The following SLC35A3 variants were observed in gnomAD, a reference collection of about 807,000 sequenced individuals.
The protein encoded by SLC35A3 is solute carrier family 35 member A3.
A neutral mutation model predicts 39.0 loss-of-function variants in SLC35A3; 26 were observed. The observed-to-expected ratio is 0.67, with a 90% CI of 0.49 to 0.92. The LOEUF is 0.92. SLC35A3 is among the 40% of genes least tolerant of loss of function. SLC35A3 has a pLI of 0.00. For missense variants in SLC35A3, 299 were observed against 371.6 expected (o/e 0.80, Z 1.61); for synonymous variants, 135 against 133.1 (o/e 1.01, Z -0.10).
intron 1 of SLC35A3, chr1:99,970,535 C>G (rs1358079261): frequency 5.2e-6 from 8 of 1,535,154 alleles, no homozygotes; most frequent in Non-Finnish European, 7.0e-6. Flanking sequence ...AGTGAACATC[C>G]CATGAGCTCT....
At chr1:100,014,502 G>A (rs1032814683) in intron 5 of SLC35A3, among the ~76,000 whole-genome samples, 12 of 152,254 alleles carry the variant, frequency 7.9e-5, no homozygotes, top group South Asian at 4.1e-4. Flanking sequence ...GATTTCAGGC[G>A]TGAGCCACTG....
Position 100,026,478 on chromosome 1 carries a change from T to C in SLC35A3, c.*4002T>C, listed in dbSNP as rs1660917325. ...AGGGTGTTCCTGTAATTCACAACTG[T>C]AGACACATGGGCAAAATTAGGATTT... On this transcript the variant is annotated 3_prime_UTR_variant, in exon 8 of 8. Coordinates refer to ENST00000533028, the MANE Select transcript of SLC35A3 (RefSeq NM_012243.3). The C allele has an allele frequency of 1.3e-5, 2 of 152,188 alleles. No homozygotes were observed. Among genetic ancestry groups the C allele is most frequent in the African/African-American group, 2.4e-5 (1 of 41,456 alleles). The allele number at this position is 152,188 out of a possible 1,614,324, so 9.4% of individuals were successfully genotyped here. A position where few individuals can be genotyped will look rare whatever the true frequency, so the allele number is the denominator to read the frequency against.
intron 1 of SLC35A3, among the ~76,000 whole-genome samples, chr1:99,984,911 A>G (rs1657662626): frequency 6.6e-6 from 1 of 152,028 alleles, no homozygotes; most frequent in Non-Finnish European, 1.5e-5. Context: ...TCATGTCCTT[A>G]GCCCAATTTT....
intron 1 of SLC35A3, chr1:99,970,424 G>C: frequency 2.9e-6 from 2 of 683,682 alleles, no homozygotes; most frequent in East Asian, 2.7e-5. Flanking sequence ...GGCCCGAGGA[G>C]AGGGGTGTGT....
At position 100,023,498 on chromosome 1, in the gene SLC35A3, C is replaced by T. The variant is rs1485853930; in HGVS notation, c.*1022C>T. 1 of 152,196 alleles carries T rather than the reference C, an allele frequency of 6.6e-6. No homozygotes were observed. Among genetic ancestry groups the T allele is most frequent in the Non-Finnish European group, 1.5e-5 (1 of 68,038 alleles). 9.4% of individuals were successfully genotyped at this position (152,196 alleles called of 1,614,324 possible). A position where few individuals can be genotyped will look rare whatever the true frequency, so the allele number is the denominator to read the frequency against. ...AATCTACAACTGTTTACAAAAACAACATTCAAACAAATAGTACAGATGTCA... is the reference window on the plus strand; with the variant it reads ...AATCTACAACTGTTTACAAAAACAATATTCAAACAAATAGTACAGATGTCA... On this transcript the variant is annotated 3_prime_UTR_variant, in exon 8 of 8. Transcript: ENST00000533028.
chr1:99,992,228 A>G (rs1052836791), intron 1 of SLC35A3, among the ~76,000 whole-genome samples: 1 of 152,044 alleles, frequency 6.6e-6, no homozygotes, highest in Admixed American at 6.6e-5. Flanking sequence ...TTTTTGCTTT[A>G]TGTATTTTGA....
intron 7 of SLC35A3, among the ~76,000 whole-genome samples, chr1:100,021,330 C>T (rs530952326): frequency 2.6e-5 from 4 of 152,046 alleles, no homozygotes; most frequent in Non-Finnish European, 5.9e-5. Flanking sequence ...CACCACTGCA[C>T]TCCAGCCTGG....
chr1:100,031,266 T>A lies in SLC35A3; in HGVS notation c.*8790T>A, dbSNP rs894343333. On this transcript the variant is annotated 3_prime_UTR_variant, in exon 8 of 8. Transcript: ENST00000533028. ...TTCTCCAGCTTTTCATTTTGCAGCA[T>A]ACAAAAAAATTGAAAAATTGGTATA... 1.3e-5 allele frequency: 2 copies of A among 152,152 alleles called. No homozygotes were observed. The highest frequency in any genetic ancestry group is 2.9e-5 in the Non-Finnish European group (2 of 68,022). 9.4% of individuals were successfully genotyped at this position (152,152 alleles called of 1,614,324 possible).
At chr1:99,970,290 T>C in intron 1 of SLC35A3, 128 bp downstream of exon 1, 1 of 421,382 alleles carries the variant, frequency 2.4e-6, no homozygotes, top group South Asian at 3.6e-5. Context: ...TCTGTAGGGG[T>C]GAAGGGGACG....
At position 100,023,254 on chromosome 1, in the gene SLC35A3, A is replaced by C. The variant is rs1260283828; in HGVS notation, c.*778A>C. On this transcript the variant is annotated 3_prime_UTR_variant, in exon 8 of 8. Coordinates refer to ENST00000533028, the MANE Select transcript of SLC35A3 (RefSeq NM_012243.3). ...TCATTGCATTTCATTTCTGTAAATC[A>C]GATTAAGTCCTTAATATTATTTTAA... 6.6e-6 allele frequency: 1 copy of C among 152,196 alleles called. No homozygotes were observed. 9.4% of individuals were successfully genotyped at this position (152,196 alleles called of 1,614,324 possible).
At chr1:100,016,778 G>A (rs1660170068) in intron 6 of SLC35A3, among the ~76,000 whole-genome samples, 1 of 152,198 alleles carries the variant, frequency 6.6e-6, no homozygotes, top group Admixed American at 6.5e-5. Flanking sequence ...TGAGTCAAGA[G>A]AGTTTATGTA....
rs987115217 is a variant in SLC35A3, at chr1:100,033,002, T to C, written c.*10526T>C. On this transcript the variant is annotated 3_prime_UTR_variant, in exon 8 of 8. Transcript: ENST00000533028. Reference sequence around the variant, plus strand: ...TATACCTTTTAAGGGGAGTGGGATTTATTTAATTTTTTCTTTGGAGTCCTT... The same window carrying C: ...TATACCTTTTAAGGGGAGTGGGATTCATTTAATTTTTTCTTTGGAGTCCTT... 3 of 152,192 alleles carry C rather than the reference T, an allele frequency of 2.0e-5. No homozygotes were observed. Among genetic ancestry groups the C allele is most frequent in the Non-Finnish European group, 4.4e-5 (3 of 68,002 alleles). 9.4% of individuals were successfully genotyped at this position (152,192 alleles called of 1,614,324 possible).
intron 2 of SLC35A3, among the ~76,000 whole-genome samples, chr1:99,997,052 T>C (rs1351797687): frequency 6.6e-6 from 1 of 152,030 alleles, no homozygotes; most frequent in Admixed American, 6.6e-5. Context: ...AGTTTATGTA[T>C]ATATCTCTAA....
At chr1:100,019,033 G>A (rs1022187411) in intron 7 of SLC35A3, among the ~76,000 whole-genome samples, 1 of 152,060 alleles carries the variant, frequency 6.6e-6, no homozygotes, top group Admixed American at 6.6e-5. Context: ...ATGAACACTT[G>A]TGTCTTAATT....
At chr1:100,014,275 C>T (rs1659897192) in intron 5 of SLC35A3, among the ~76,000 whole-genome samples, 1 of 152,114 alleles carries the variant, frequency 6.6e-6, no homozygotes, top group African/African-American at 2.4e-5. Flanking sequence ...GACTGGAATG[C>T]AGTGGTAGAA....
At chr1:100,004,053 T>TTTAACATATGA (rs1553202101) in intron 3 of SLC35A3, among the ~76,000 whole-genome samples, 1 of 152,216 alleles carries the variant, frequency 6.6e-6, no homozygotes, top group Non-Finnish European at 1.5e-5. Flanking sequence ...AACATATGAT[T>TTTAACATATGA]TTTTAAATCC....
intron 1 of SLC35A3, among the ~76,000 whole-genome samples, chr1:99,981,274 A>G (rs949068961): frequency 2.6e-5 from 4 of 152,174 alleles, no homozygotes; most frequent in African/African-American, 9.7e-5. Flanking sequence ...GTGTTTTCAT[A>G]TATACTCTCT....
At chr1:99,984,366 A>C (rs193236986) in intron 1 of SLC35A3, among the ~76,000 whole-genome samples, 1 of 152,194 alleles carries the variant, frequency 6.6e-6, no homozygotes, top group African/African-American at 2.4e-5. Flanking sequence ...TTCCTGAATT[A>C]CTTCACCTAG....
At chr1:100,016,292 C>T (rs1483038315) in intron 6 of SLC35A3, among the ~76,000 whole-genome samples, 1 of 151,600 alleles carries the variant, frequency 6.6e-6, no homozygotes, top group African/African-American at 2.4e-5. Flanking sequence ...TCTCGATCTC[C>T]TGACCTCGTT....
Sources: allele counts gnomAD v4.1 joint callset (sites outside exome capture counted in the v4.1 genomes callset), GRCh38; gene constraint gnomAD v4.1.1; transcripts MANE v1.5; gene names NCBI Gene and HGNC (gene_info 2026-07-23, HGNC 2026-07-21).